Variants in CATSPERB observed in about 807,000 individuals in gnomAD.
CATSPERB encodes the protein cation channel sperm-associated auxiliary subunit beta.
A neutral mutation model predicts 128.3 loss-of-function variants in CATSPERB; 93 were observed. The ratio of observed to expected loss-of-function variants is 0.72; its 90% CI spans 0.61 to 0.86. CATSPERB has a LOEUF of 0.86. CATSPERB is among the 40% of genes least tolerant of loss of function. CATSPERB has a pLI of 0.00. For synonymous variants in CATSPERB, 381 were observed against 448.8 expected (o/e 0.85, Z 1.91); for missense variants, 1,153 against 1,329.5 (o/e 0.87, Z 2.06).
At chr14:91,581,242 C>A (rs1893202962) in intron 26 of CATSPERB, 135 bp from the exon 27 acceptor site, 1 of 690,500 alleles carries the variant, frequency 1.4e-6, no homozygotes, top group African/African-American at 1.8e-5. Flanking sequence ...ATCCACAAAG[C>A]TTGGAAACAG....
intron 26 of CATSPERB, among the ~76,000 whole-genome samples, chr14:91,583,334 G>A (rs1784280348): frequency 1.1e-5 from 1 of 87,468 alleles, no homozygotes; most frequent in South Asian, 6.0e-4. Flanking sequence ...CAGGAGAATG[G>A]CATGTACCCG....
At chr14:91,602,034 CA>C (rs1318271075) in intron 22 of CATSPERB, among the ~76,000 whole-genome samples, 1 of 152,090 alleles carries the variant, frequency 6.6e-6, no homozygotes, top group Non-Finnish European at 1.5e-5. Context: ...TTCATAAGCC[CA>C]ACTACTTGAA....
chr14:91,630,256 T>C (rs1028739984), intron 17 of CATSPERB, among the ~76,000 whole-genome samples: 8 of 152,206 alleles, frequency 5.3e-5, no homozygotes, highest in Non-Finnish European at 7.3e-5. Flanking sequence ...TCATCCTTCT[T>C]TGCTAGGGCC....
chr14:91,587,315 C>T lies in CATSPERB; in HGVS notation c.3058-39G>A, dbSNP rs772861987. The T allele has an allele frequency of 4.8e-6, 7 of 1,462,328 alleles. No homozygotes were observed. The African/African-American group carries it at 5.7e-5, about 12-fold the overall frequency. The allele number at this position is 1,462,328 out of a possible 1,614,324, so 90.6% of individuals were successfully genotyped here. A position where few individuals can be genotyped will look rare whatever the true frequency, so the allele number is the denominator to read the frequency against. On this transcript the variant is annotated intron_variant, in intron 25 of 26. Transcript: ENST00000256343. Reference sequence around the variant, plus strand: ...CACACCCAGTTGTTAGCAGCATCAACATGTACATTCCTTTAAGTATTAATA... The same window carrying T: ...CACACCCAGTTGTTAGCAGCATCAATATGTACATTCCTTTAAGTATTAATA...
At chr14:91,693,033 G>C (rs1895497088) in intron 9 of CATSPERB, 93 bp downstream of exon 9, 3 of 894,080 alleles carry the variant, frequency 3.4e-6, no homozygotes, top group Non-Finnish European at 5.3e-6. Flanking sequence ...TCAATTTTAA[G>C]ATACACCACA....
At position 91,628,457 on chromosome 14, in the gene CATSPERB, A is replaced by G. The variant is rs536146092; in HGVS notation, c.1743-3450T>C. Among the ~76,000 whole-genome samples the G allele has an allele frequency of 1.8e-3, 276 of 152,318 alleles. 2 individuals are homozygous for G. The highest frequency in any genetic ancestry group is 3.1e-3 in the Non-Finnish European group (209 of 68,036). ...TCATATACTGATATGGTTTGGCTCA[A>G]TGTCCCCACCCAAATCTCATCTTGA... On this transcript the variant is annotated intron_variant, in intron 17 of 26. Coordinates refer to ENST00000256343, the MANE Select transcript of CATSPERB (RefSeq NM_024764.4).
intron 15 of CATSPERB, 73 bp downstream of exon 15, chr14:91,659,764 C>T (rs140132791): frequency 0.011 from 15,888 of 1,403,576 alleles, 129 homozygotes; most frequent in Middle Eastern, 0.037. Flanking sequence ...TTGATTAATA[C>T]GGCAGGTTTT....
chr14:91,652,702 A>G (rs946687156), intron 15 of CATSPERB, among the ~76,000 whole-genome samples: 2 of 124,532 alleles, frequency 1.6e-5, no homozygotes, highest in Admixed American at 8.7e-5. Flanking sequence ...AAAAAAAAAA[A>G]AAAGAAATGC....
At chr14:91,719,591 C>A in intron 4 of CATSPERB, 113 bp from the exon 5 acceptor site, 2 of 672,246 alleles carry the variant, frequency 3.0e-6, no homozygotes, top group Non-Finnish European at 4.8e-6. Flanking sequence ...ATGCATATAC[C>A]TTTTACCTAG....
At position 91,694,334 on chromosome 14, in the gene CATSPERB, C is replaced by T. The variant is rs569326453; in HGVS notation, c.617-855G>A. Reference sequence around the variant, plus strand: ...TGGTGCATGCCTGTAGTCCCAGCTACTCAGAAGGCTGAGGTGAGAGGATCG... The same window carrying T: ...TGGTGCATGCCTGTAGTCCCAGCTATTCAGAAGGCTGAGGTGAGAGGATCG... On this transcript the variant is annotated intron_variant, in intron 7 of 26. Coordinates refer to ENST00000256343, the MANE Select transcript of CATSPERB (RefSeq NM_024764.4). Among the ~76,000 whole-genome samples the T allele has an allele frequency of 2.7e-5, 4 of 149,694 alleles. No individual in the cohort carries two copies. In the East Asian group the frequency reaches 7.9e-4, roughly 30 times the overall value.
rs1893809508 is a variant in CATSPERB at position 91,610,679 on chromosome 14, T to G, written c.2401-2A>C. The G allele has an allele frequency of 6.2e-7, 1 of 1,613,644 alleles. No homozygotes were observed. The highest frequency in any genetic ancestry group is 1.3e-5 in the African/African-American group (1 of 74,932). On this transcript the variant is annotated splice_acceptor_variant, in intron 20 of 26. Transcript: ENST00000256343. LOFTEE classifies it high-confidence loss of function. ...AATAAATGCCAGTGAAGTTGAACCC[T>G]GGAAATAACCAAATAAATGAAGGTT... is the stretch of plus-strand genomic sequence containing the variant.
chr14:91,631,035 G>T (rs1894266129), intron 17 of CATSPERB, among the ~76,000 whole-genome samples: 1 of 152,102 alleles, frequency 6.6e-6, no homozygotes, highest in African/African-American at 2.4e-5. Flanking sequence ...TTGGCTCTTT[G>T]CTCTTCATTC....
chr14:91,582,558 A>T (rs1314439450), intron 26 of CATSPERB, among the ~76,000 whole-genome samples: 3 of 152,120 alleles, frequency 2.0e-5, no homozygotes, highest in Admixed American at 2.0e-4. Flanking sequence ...CTTTCCTCTG[A>T]CTGATCCCAC....
At chr14:91,694,654 G>A (rs955209806) in intron 7 of CATSPERB, among the ~76,000 whole-genome samples, 5 of 152,046 alleles carry the variant, frequency 3.3e-5, no homozygotes, top group African/African-American at 1.2e-4. Context: ...CTCCAAGACA[G>A]GAGAAACTAT....
At chr14:91,711,882 T>C (rs1055448619) in intron 5 of CATSPERB, among the ~76,000 whole-genome samples, 18 of 152,152 alleles carry the variant, frequency 1.2e-4, no homozygotes, top group African/African-American at 1.9e-4. Context: ...CCTCTAAACA[T>C]AATGGAATAA....
intron 19 of CATSPERB, among the ~76,000 whole-genome samples, chr14:91,619,029 C>G (rs2139785172): frequency 6.6e-6 from 1 of 152,274 alleles, no homozygotes; most frequent in East Asian, 1.9e-4. Context: ...TATTTACTTC[C>G]ATCAAACTGA....
At position 91,615,366 on chromosome 14, in the gene CATSPERB, G is replaced by A. The variant is rs1463990698; in HGVS notation, c.2400+2231C>T. Among the ~76,000 whole-genome samples, 7 of 152,230 alleles carry A rather than the reference G, an allele frequency of 4.6e-5. No homozygotes were observed. In the South Asian group the frequency reaches 1.5e-3, roughly 32 times the overall value. On this transcript the variant is annotated intron_variant, in intron 20 of 26. Transcript: ENST00000256343. ...AGTTTCATCCTGAAACCATGCCCCC[G>A]CATCCCATTCCATGGAAAAACTGTC...
chr14:91,602,541 G>A (rs770301221), intron 22 of CATSPERB, among the ~76,000 whole-genome samples: 1 of 152,014 alleles, frequency 6.6e-6, no homozygotes, highest in African/African-American at 2.4e-5. Flanking sequence ...AAGAGAGATG[G>A]CAGAAGGGTT....
intron 15 of CATSPERB, among the ~76,000 whole-genome samples, chr14:91,651,088 T>G (rs1432736831): frequency 6.6e-6 from 1 of 152,236 alleles, no homozygotes; most frequent in Non-Finnish European, 1.5e-5. Flanking sequence ...CTTTCCTGTT[T>G]GGTGCAATGG....
Sources: allele counts gnomAD v4.1 joint callset (sites outside exome capture counted in the v4.1 genomes callset), GRCh38; gene constraint gnomAD v4.1.1; transcripts MANE v1.5; gene names NCBI Gene and HGNC (gene_info 2026-07-23, HGNC 2026-07-21).